SHANK2: variants seen among roughly 807,000 people sequenced by gnomAD.
SHANK2 encodes SH3 and multiple ankyrin repeat domains protein 2.
SHANK2 carries 43 observed loss-of-function variants against 133.7 expected under a neutral mutation model. That is an observed-to-expected ratio of 0.32 (90% confidence interval 0.25 to 0.41). SHANK2 has a LOEUF of 0.41. SHANK2 is among the 10% of genes least tolerant of loss of function. SHANK2 has a pLI of 1.00. For missense variants in SHANK2, 1,994 were observed against 2,235.8 expected, an observed-to-expected ratio of 0.89 and a Z score of 2.18; for synonymous variants, 1,017 against 952.8, an observed-to-expected ratio of 1.07 and a Z score of -1.24.
chr11:70,920,650 T>C (rs988723484), intron 10 of SHANK2, among the ~76,000 whole-genome samples: 2 of 152,248 alleles, frequency 1.3e-5, no homozygotes, highest in East Asian at 3.8e-4. Flanking sequence ...TTTAATTGCA[T>C]GTCCCTAACG....
chr11:70,651,027 G>C (rs1239738507), intron 17 of SHANK2, among the ~76,000 whole-genome samples: 1 of 152,202 alleles, frequency 6.6e-6, no homozygotes, highest in Admixed American at 6.5e-5. Context: ...TACAGTTCAA[G>C]AAACTGAGGC....
intron 17 of SHANK2, among the ~76,000 whole-genome samples, chr11:70,616,466 G>A (rs994223399): frequency 6.6e-6 from 1 of 152,146 alleles, no homozygotes; most frequent in African/African-American, 2.4e-5. Flanking sequence ...AGGACCGCCC[G>A]AGGAGGGCGC....
intron 2 of SHANK2, among the ~76,000 whole-genome samples, chr11:71,163,853 T>C (rs1367298894): frequency 3.9e-5 from 6 of 152,178 alleles, no homozygotes; most frequent in Non-Finnish European, 7.4e-5. Context: ...GAAGGAAGAA[T>C]GCAAAATATC....
intron 14 of SHANK2, among the ~76,000 whole-genome samples, chr11:70,794,011 T>C (rs1947853342): frequency 6.6e-6 from 1 of 152,180 alleles, no homozygotes; most frequent in South Asian, 2.1e-4. Context: ...CTGGGCATGG[T>C]GGATCATGCC....
At chr11:70,529,104 G>A (rs1474073103) in intron 17 of SHANK2, among the ~76,000 whole-genome samples, 2 of 152,142 alleles carry the variant, frequency 1.3e-5, no homozygotes, top group Non-Finnish European at 2.9e-5. Context: ...TGGGACCAGG[G>A]AGTAAGAAAC....
At chr11:70,735,857 T>G (rs137896928) in intron 14 of SHANK2, among the ~76,000 whole-genome samples, 2 of 152,036 alleles carry the variant, frequency 1.3e-5, no homozygotes, top group East Asian at 3.9e-4. Context: ...TGTCCACCCT[T>G]CAGGCAGGTG....
rs1445948019 is a variant in SHANK2 at position 70,472,737 on chromosome 11, C to A, written c.*132G>T. 4.0e-5 allele frequency: 36 copies of A among 910,830 alleles called. No homozygotes were observed. The highest frequency in any genetic ancestry group is 5.6e-5 in the Non-Finnish European group (31 of 554,106). 56.4% of individuals were successfully genotyped at this position (910,830 alleles called of 1,614,324 possible). Reference sequence around the variant, plus strand: ...ATGTTGTGGACACAACTCAGTATTTCTTTGGGTACCAGGAGACAAACCCAT... The same window carrying A: ...ATGTTGTGGACACAACTCAGTATTTATTTGGGTACCAGGAGACAAACCCAT... On this transcript the variant is annotated 3_prime_UTR_variant, in exon 26 of 26. Coordinates refer to ENST00000601538, the MANE Select transcript of SHANK2 (RefSeq NM_012309.5). The surrounding 1 kb of genome is among the most constrained non-coding windows in gnomAD (Gnocchi z 4.4).
At chr11:70,559,132 C>T (rs2059872952) in intron 17 of SHANK2, among the ~76,000 whole-genome samples, 1 of 152,108 alleles carries the variant, frequency 6.6e-6, no homozygotes, top group Non-Finnish European at 1.5e-5. Flanking sequence ...TATTCTCCTG[C>T]CTTAGCCTCC....
chr11:70,790,068 T>G (rs1176601047), intron 14 of SHANK2, among the ~76,000 whole-genome samples: 1 of 152,248 alleles, frequency 6.6e-6, no homozygotes, highest in African/African-American at 2.4e-5. Flanking sequence ...GCCTCATCCA[T>G]GGGTGCCAAC....
chr11:70,716,895 G>GCCCCCCCCCCCCCCCCAC (rs60827522), intron 14 of SHANK2, among the ~76,000 whole-genome samples: 1 of 138,392 alleles, frequency 7.2e-6, no homozygotes, highest in African/African-American at 2.9e-5. Context: ...GGGTCCCGGA[G>GCCCCCCCCCCCCCCCCAC]CCCCCCCCCC....
At chr11:70,660,857 C>A (rs781878447) in intron 16 of SHANK2, among the ~76,000 whole-genome samples, 3 of 152,214 alleles carry the variant, frequency 2.0e-5, no homozygotes, top group African/African-American at 7.2e-5. Flanking sequence ...TGGCACAGCG[C>A]GTAAGCTCCA....
intron 11 of SHANK2, among the ~76,000 whole-genome samples, chr11:70,841,664 G>A (rs570882025): frequency 2.0e-5 from 3 of 152,304 alleles, no homozygotes; most frequent in East Asian, 1.9e-4. Flanking sequence ...GCCCCTTTCC[G>A]TCTGCTTCTC....
intron 14 of SHANK2, among the ~76,000 whole-genome samples, chr11:70,747,447 T>C (rs1396743559): frequency 6.6e-6 from 1 of 152,152 alleles, no homozygotes; most frequent in Non-Finnish European, 1.5e-5. Context: ...CCAGGAGCCA[T>C]GGGGGCCGGG....
intron 17 of SHANK2, among the ~76,000 whole-genome samples, chr11:70,506,432 G>T (rs1050346794): frequency 6.6e-6 from 1 of 152,228 alleles, no homozygotes; most frequent in South Asian, 2.1e-4. Flanking sequence ...CTGCTCAGGA[G>T]AGCTCAGAGG....
chr11:71,133,523 A>AGGCT (rs1451613139), intron 3 of SHANK2, among the ~76,000 whole-genome samples: 2 of 136,890 alleles, frequency 1.5e-5, no homozygotes, highest in African/African-American at 2.8e-5. Flanking sequence ...ACAGGCAGGC[A>AGGCT]GGCTGGCTGG....
rs1434339297 is a variant in SHANK2 at position 70,892,260 on chromosome 11, G to A, written c.1174+4241C>T. Among the ~76,000 whole-genome samples the A allele has an allele frequency of 2.6e-5, 4 of 152,204 alleles. No homozygotes were observed. In the East Asian group the frequency reaches 5.8e-4, roughly 22 times the overall value. On this transcript the variant is annotated intron_variant, in intron 11 of 25. Transcript: ENST00000601538. ...ACCCTGCCTTCTAAGCACAGCTGGG[G>A]AGCTGGCTAGGAGCTGACAAATGCT...
At chr11:70,831,721 C>T (rs2135399885) in intron 11 of SHANK2, among the ~76,000 whole-genome samples, 1 of 152,384 alleles carries the variant, frequency 6.6e-6, no homozygotes, top group Non-Finnish European at 1.5e-5. Context: ...GGCGGGGACG[C>T]CGTACCAGGT....
rs377444536 is a variant in SHANK2 at position 70,831,908 on chromosome 11, T to C, written c.1175-11226A>G. Among the ~76,000 whole-genome samples, 3 of 152,218 alleles carry C rather than the reference T, an allele frequency of 2.0e-5. No homozygotes were observed. In the East Asian group the frequency reaches 5.8e-4, roughly 29 times the overall value. On this transcript the variant is annotated intron_variant, in intron 11 of 25. Coordinates refer to ENST00000601538, the MANE Select transcript of SHANK2 (RefSeq NM_012309.5). ...GGTGCTGACTCTGTATCATGCCCCC[T>C]GCAGCCATGGGCCGGTTGGACACCC...
intron 6 of SHANK2, among the ~76,000 whole-genome samples, chr11:71,104,229 G>A (rs1404065245): frequency 6.6e-6 from 1 of 152,168 alleles, no homozygotes; most frequent in Non-Finnish European, 1.5e-5. Flanking sequence ...GAAGCTGAGA[G>A]AGGTTCATTA....
Sources: gnomAD v4.1 joint callset for allele counts (sites outside exome capture counted in the v4.1 genomes callset) on GRCh38, gnomAD v4.1.1 for gene constraint, Gnocchi (gnomAD v3.1) non-coding constraint, MANE v1.5 for transcripts, NCBI Gene and HGNC (gene_info 2026-07-23, HGNC 2026-07-21) for gene names.